The following ADORA2B variants were observed in gnomAD, a reference collection of about 807,000 sequenced individuals.
ADORA2B encodes adenosine A2b receptor.
ADORA2B carries 18 observed loss-of-function variants against 20.8 expected under a neutral mutation model. The observed-to-expected ratio is 0.87, with a 90% CI of 0.60 to 1.29. The LOEUF is 1.29. Among genes scored for constraint, ADORA2B ranks in the 50% most tolerant of loss-of-function variants. The probability of loss-of-function intolerance (pLI) is 0.00; values close to 1 mark genes in which losing one functional copy is unlikely to be tolerated. For synonymous variants in ADORA2B, 179 were observed against 178.3 expected (o/e 1.00, Z -0.03); for missense variants, 441 against 422.7 (o/e 1.04, Z -0.38).
At chr17:15,900,172 A>C in the ADORA2B span, among the ~76,000 whole-genome samples, 1 of 152,142 alleles carries the variant, frequency 6.6e-6, no homozygotes, top group Non-Finnish European at 1.5e-5. Context: ...TGGACACCTA[A>C]GTTGATTCCA....
the ADORA2B span, among the ~76,000 whole-genome samples, chr17:15,909,949 A>C: frequency 9.2e-5 from 14 of 152,166 alleles, no homozygotes; most frequent in African/African-American, 3.4e-4. Context: ...GAAGTGCTGG[A>C]TCTGGCCCGG....
At chr17:15,959,719 G>A (rs936401901) in intron 1 of ADORA2B, among the ~76,000 whole-genome samples, 2 of 152,058 alleles carry the variant, frequency 1.3e-5, no homozygotes, top group East Asian at 1.9e-4. Context: ...CAGGCTGGTC[G>A]TGAATTCCTG....
chr17:15,951,913 C>T (rs1354108639), intron 1 of ADORA2B, among the ~76,000 whole-genome samples: 2 of 152,178 alleles, frequency 1.3e-5, no homozygotes, highest in Non-Finnish European at 1.5e-5. Flanking sequence ...GGAGCTGCTC[C>T]CAGAGGGCAG....
chr17:15,911,632 A>G, the ADORA2B span, among the ~76,000 whole-genome samples: 1 of 152,224 alleles, frequency 6.6e-6, no homozygotes, highest in African/African-American at 2.4e-5. Flanking sequence ...CTTTAGGCTA[A>G]CAAGAAGGAA....
the ADORA2B span, among the ~76,000 whole-genome samples, chr17:15,916,670 C>T: frequency 7.9e-5 from 12 of 152,322 alleles, no homozygotes; most frequent in Admixed American, 4.6e-4. Flanking sequence ...CTTTAATTAC[C>T]AGGCCCAGGG....
chr17:15,960,875 CA>C (rs34117116), intron 1 of ADORA2B, among the ~76,000 whole-genome samples: 78 of 116,016 alleles, frequency 6.7e-4, no homozygotes, highest in Non-Finnish European at 1.0e-3. Context: ...GACTCCGTCT[CA>C]AAAAAAAAAG....
the ADORA2B span, among the ~76,000 whole-genome samples, chr17:15,909,699 G>A: frequency 1.3e-5 from 2 of 152,238 alleles, no homozygotes; most frequent in South Asian, 2.1e-4. Context: ...AGCAGGCTGA[G>A]GGTGTGTGCC....
chr17:15,879,673 G>T, the ADORA2B span, among the ~76,000 whole-genome samples: 2 of 148,966 alleles, frequency 1.3e-5, no homozygotes, highest in Non-Finnish European at 1.5e-5. Context: ...GAGTAGCAGG[G>T]ACTACAGGCG....
At chr17:15,971,558 G>T (rs1970188329) in intron 1 of ADORA2B, among the ~76,000 whole-genome samples, 1 of 151,702 alleles carries the variant, frequency 6.6e-6, no homozygotes, top group African/African-American at 2.4e-5. Flanking sequence ...AGTATTCCTA[G>T]TAAGTAGAAT....
the ADORA2B span, among the ~76,000 whole-genome samples, chr17:15,937,384 G>T: frequency 6.6e-6 from 1 of 152,098 alleles, no homozygotes; most frequent in African/African-American, 2.4e-5. Context: ...TTTGCAAAAG[G>T]ACTTAGTGTG....
chr17:15,964,307 T>A (rs1473800903), intron 1 of ADORA2B, among the ~76,000 whole-genome samples: 1 of 152,210 alleles, frequency 6.6e-6, no homozygotes, highest in Non-Finnish European at 1.5e-5. Context: ...GTGGGAAGGT[T>A]TAAAATGATG....
the ADORA2B span, among the ~76,000 whole-genome samples, chr17:15,878,253 A>G: frequency 6.6e-6 from 1 of 151,178 alleles, no homozygotes; most frequent in African/African-American, 2.4e-5. Flanking sequence ...CTGGATGGCC[A>G]TTTATTTCAG....
Position 15,945,292 on chromosome 17 carries a change from T to A in ADORA2B, c.44T>A (p.Leu15Gln). The stretch of plus-strand genomic sequence containing the variant: ...GACGCGCTGTACGTGGCGCTGGAGC[T>A]GGTCATCGCCGCGCTTTCGGTGGCG... ...TQDALYVALE[L>Q]VIAALSVAGN... is the part of the protein sequence containing the mutation. Residue 15 changes from leucine (L) to glutamine (Q), a missense_variant, in exon 1 of 2, where the codon CTG becomes CAG. Transcript: ENST00000304222. The A allele has an allele frequency of 1.9e-6, 3 of 1,550,750 alleles. No individual in the cohort carries two copies. The highest frequency in any genetic ancestry group is 2.6e-6 in the Non-Finnish European group (3 of 1,152,670).
chr17:15,975,098 C>CT lies in ADORA2B; in HGVS notation c.756dup (p.Val253CysfsTer2). 1 of 1,614,130 alleles carries CT rather than the reference C, an allele frequency of 6.2e-7. No homozygotes were observed. The highest frequency in any genetic ancestry group is 8.5e-7 in the Non-Finnish European group (1 of 1,180,000). On this transcript the variant is annotated frameshift_variant, in exon 2 of 2. Transcript: ENST00000304222. LOFTEE classifies it high-confidence loss of function. Reference sequence around the variant, plus strand: ...GCCCTGTGCTGGTTACCTGTGCATGCTGTTAACTGTGTCACTCTTTTCCAG... The same window carrying CT: ...GCCCTGTGCTGGTTACCTGTGCATGCTTGTTAACTGTGTCACTCTTTTCCAG...
At chr17:15,881,415 T>C in the ADORA2B span, among the ~76,000 whole-genome samples, 2 of 152,252 alleles carry the variant, frequency 1.3e-5, no homozygotes, top group Non-Finnish European at 2.9e-5. Flanking sequence ...TATTTATTTT[T>C]TATTGTAAAA....
the ADORA2B span, among the ~76,000 whole-genome samples, chr17:15,870,511 G>A: frequency 3.3e-5 from 5 of 151,904 alleles, no homozygotes; most frequent in South Asian, 1.0e-3. Context: ...TACTTGGAAG[G>A]CTGAGGCAGG....
chr17:15,963,928 G>A (rs1970068994), intron 1 of ADORA2B, among the ~76,000 whole-genome samples: 1 of 152,208 alleles, frequency 6.6e-6, no homozygotes, highest in Admixed American at 6.5e-5. Context: ...TCCATCACTG[G>A]AATTCAGACA....
chr17:15,879,985 A>G, the ADORA2B span, among the ~76,000 whole-genome samples: 1 of 149,328 alleles, frequency 6.7e-6, no homozygotes, highest in Non-Finnish European at 1.5e-5. Context: ...CTAACAGTGA[A>G]GACTGAAGTT....
the ADORA2B span, among the ~76,000 whole-genome samples, chr17:15,892,192 G>C: frequency 4.6e-3 from 697 of 151,006 alleles, 8 homozygotes; most frequent in African/African-American, 0.016. Flanking sequence ...GTTTGAGATA[G>C]AGTTTCACTC....
Sources: allele counts gnomAD v4.1 joint callset (sites outside exome capture counted in the v4.1 genomes callset), GRCh38; gene constraint gnomAD v4.1.1; transcripts MANE v1.5; gene names NCBI Gene and HGNC (gene_info 2026-07-23, HGNC 2026-07-21).